The following DNM3 variants were observed in gnomAD, a reference collection of about 807,000 sequenced individuals.
The protein encoded by DNM3 is dynamin-3.
DNM3 carries 47 observed loss-of-function variants against 101.6 expected under a neutral mutation model. The observed-to-expected ratio is 0.46, with a 90% confidence interval of 0.37 to 0.59. The LOEUF (loss-of-function observed/expected upper bound fraction) is 0.59, where lower values mean the gene tolerates loss of function less well. DNM3 is among the 20% of genes least tolerant of loss of function. The pLI, the probability that DNM3 is intolerant of heterozygous loss-of-function variation, is 0.00. For synonymous variants in DNM3, 385 were observed against 387.9 expected, an observed-to-expected ratio of 0.99 and a Z score of 0.09; for missense variants, 849 against 1,085.7, an observed-to-expected ratio of 0.78 and a Z score of 3.06.
At chr1:171,967,265 C>G (rs945428087) in intron 2 of DNM3, among the ~76,000 whole-genome samples, 2 of 152,102 alleles carry the variant, frequency 1.3e-5, no homozygotes, top group African/African-American at 2.4e-5. Flanking sequence ...GAAGATGTGA[C>G]TTGGTATGGT....
intron 8 of DNM3, 143 bp downstream of exon 8, chr1:172,042,287 G>T: frequency 1.3e-6 from 1 of 770,866 alleles, no homozygotes. Flanking sequence ...ATGAAATTCA[G>T]GAGAGGAATA....
Position 172,411,093 on chromosome 1 carries a change from T to C in DNM3, c.*3252T>C. ...TGTATGTGCACTGTGTGTATATATA[T>C]AAATATATGTATATGTATGGTTGTA... is the stretch of plus-strand genomic sequence containing the variant. On this transcript the variant is annotated 3_prime_UTR_variant, in exon 21 of 21. Transcript: ENST00000627582. 1.0e-6 allele frequency: 1 copy of C among 983,632 alleles called. No individual in the cohort carries two copies. Among genetic ancestry groups the C allele is most frequent in the South Asian group, 4.7e-5 (1 of 21,216 alleles). The allele number at this position is 983,632 out of a possible 1,614,324, so 60.9% of individuals were successfully genotyped here. A position where few individuals can be genotyped will look rare whatever the true frequency, so the allele number is the denominator to read the frequency against.
chr1:172,037,574 G>T (rs1464429573), intron 6 of DNM3, among the ~76,000 whole-genome samples: 1 of 152,014 alleles, frequency 6.6e-6, no homozygotes, highest in Non-Finnish European at 1.5e-5. Context: ...GTAATAGAAA[G>T]GCTGTAAGAC....
chr1:172,113,574 T>C (rs2055652112), intron 13 of DNM3, among the ~76,000 whole-genome samples: 1 of 134,464 alleles, frequency 7.4e-6, no homozygotes, highest in Non-Finnish European at 1.5e-5. Context: ...GAGCTGAGAT[T>C]GCACCATTGC....
intron 17 of DNM3, among the ~76,000 whole-genome samples, chr1:172,374,613 T>C (rs2149045137): frequency 6.6e-6 from 1 of 152,236 alleles, no homozygotes; most frequent in Non-Finnish European, 1.5e-5. Flanking sequence ...TTTGAAAGAT[T>C]TTCTTCCTCA....
At chr1:171,932,033 T>A in intron 2 of DNM3, among the ~76,000 whole-genome samples, 1 of 68,238 alleles carries the variant, frequency 1.5e-5, no homozygotes. Flanking sequence ...CCTCCCTCCC[T>A]CTCCCTCTCC....
chr1:172,394,961 C>G (rs546262368), intron 20 of DNM3, among the ~76,000 whole-genome samples: 1 of 152,190 alleles, frequency 6.6e-6, no homozygotes, highest in Non-Finnish European at 1.5e-5. Context: ...CACTGCACTT[C>G]GTTGTTTCCC....
intron 10 of DNM3, among the ~76,000 whole-genome samples, chr1:172,068,447 T>A (rs1028135943): frequency 3.3e-5 from 5 of 152,232 alleles, no homozygotes; most frequent in Admixed American, 3.3e-4. Flanking sequence ...TGACACGTGG[T>A]AGACACTATA....
intron 10 of DNM3, among the ~76,000 whole-genome samples, chr1:172,067,530 C>T (rs929509969): frequency 6.6e-6 from 1 of 152,034 alleles, no homozygotes; most frequent in Admixed American, 6.6e-5. Context: ...TTACTTTTAT[C>T]GCCACTAATT....
chr1:172,387,369 T>C lies in DNM3; in HGVS notation c.2285+10T>C. On this transcript the variant is annotated intron_variant, in intron 19 of 20. Coordinates refer to ENST00000627582, the MANE Select transcript of DNM3 (RefSeq NM_015569.5). ...TACAGCACTCTCGCAGGTAAGAAGATGGCCCCGGCCGGGTGCGGTGGCTCG... is the reference window on the plus strand; with the variant it reads ...TACAGCACTCTCGCAGGTAAGAAGACGGCCCCGGCCGGGTGCGGTGGCTCG... 1.2e-6 allele frequency: 2 copies of C among 1,608,524 alleles called. No homozygotes were observed. Among genetic ancestry groups the C allele is most frequent in the Non-Finnish European group, 1.7e-6 (2 of 1,177,362 alleles).
intron 14 of DNM3, among the ~76,000 whole-genome samples, chr1:172,214,609 G>A (rs943175365): frequency 6.6e-6 from 1 of 151,992 alleles, no homozygotes; most frequent in Non-Finnish European, 1.5e-5. Flanking sequence ...TAAGTCAGAA[G>A]TATTTTCGAA....
chr1:172,229,868 A>G (rs1189200057), intron 14 of DNM3, among the ~76,000 whole-genome samples: 1 of 152,048 alleles, frequency 6.6e-6, no homozygotes, highest in East Asian at 1.9e-4. Flanking sequence ...AATTGTGCTG[A>G]TTCTTCTTTG....
intron 10 of DNM3, among the ~76,000 whole-genome samples, chr1:172,063,441 A>T (rs1287085038): frequency 6.6e-6 from 1 of 152,078 alleles, no homozygotes; most frequent in Non-Finnish European, 1.5e-5. Flanking sequence ...CCACCAAAAT[A>T]ATTAATCAGT....
chr1:171,956,617 G>A (rs1408082021), intron 2 of DNM3, among the ~76,000 whole-genome samples: 1 of 152,242 alleles, frequency 6.6e-6, no homozygotes, highest in South Asian at 2.1e-4. Context: ...GGGGTCTGGT[G>A]GATGGTGACC....
intron 15 of DNM3, among the ~76,000 whole-genome samples, chr1:172,283,856 G>A (rs1453526679): frequency 6.6e-6 from 1 of 151,778 alleles, no homozygotes; most frequent in Non-Finnish European, 1.5e-5. Context: ...AAATTTAGCA[G>A]GGAAGAGGCA....
intron 18 of DNM3, among the ~76,000 whole-genome samples, chr1:172,386,329 G>A (rs1350777506): frequency 6.6e-6 from 1 of 152,020 alleles, no homozygotes; most frequent in Non-Finnish European, 1.5e-5. Flanking sequence ...TAGAGTTGAT[G>A]AGATACAGTA....
At chr1:172,396,281 G>T (rs1008334268) in intron 20 of DNM3, among the ~76,000 whole-genome samples, 1 of 152,144 alleles carries the variant, frequency 6.6e-6, no homozygotes, top group African/African-American at 2.4e-5. Flanking sequence ...AGCAAAATTC[G>T]CAGTCACTCA....
intron 15 of DNM3, among the ~76,000 whole-genome samples, chr1:172,302,575 G>C (rs1029654611): frequency 1.3e-5 from 2 of 152,198 alleles, no homozygotes; most frequent in East Asian, 3.8e-4. Flanking sequence ...CCTCAAGTGG[G>C]TCCATGACCC....
intron 1 of DNM3, among the ~76,000 whole-genome samples, chr1:171,897,625 G>A (rs1234815875): frequency 3.9e-5 from 6 of 152,130 alleles, no homozygotes; most frequent in African/African-American, 1.4e-4. Context: ...CATAGTGAAT[G>A]CTTAATGAAT....
Sources: gnomAD v4.1 joint callset for allele counts (sites outside exome capture counted in the v4.1 genomes callset) on GRCh38, gnomAD v4.1.1 for gene constraint, MANE v1.5 for transcripts, NCBI Gene and HGNC (gene_info 2026-07-23, HGNC 2026-07-21) for gene names.